The following HDAC9 variants were observed in gnomAD, a reference collection of about 807,000 sequenced individuals.
HDAC9 encodes the protein histone deacetylase 9, also known as MEF-2 interacting transcription repressor (MITR) protein.
A neutral mutation model predicts 139.4 loss-of-function variants in HDAC9; 41 were observed. The observed-to-expected ratio is 0.29, with a 90% CI of 0.23 to 0.38. The LOEUF (loss-of-function observed/expected upper bound fraction) is 0.38. Ranked by LOEUF, HDAC9 falls within the 10% of genes least tolerant of loss-of-function variation. The pLI, the probability that HDAC9 is intolerant of heterozygous loss-of-function variation, is 1.00. For missense variants in HDAC9, 1,147 were observed against 1,297.0 expected (o/e 0.88, Z 1.78); for synonymous variants, 517 against 476.2 (o/e 1.09, Z -1.12).
At chr7:18,182,749 G>C (rs1481888365) in intron 2 of HDAC9, among the ~76,000 whole-genome samples, 1 of 152,146 alleles carries the variant, frequency 6.6e-6, no homozygotes, top group East Asian at 1.9e-4. Flanking sequence ...TCCAGAGTTT[G>C]TATTGTTAAC....
intron 1 of HDAC9, among the ~76,000 whole-genome samples, chr7:18,160,859 G>C (rs1019067): frequency 0.44 from 66,336 of 151,856 alleles, 16,618 homozygotes; most frequent in African/African-American, 0.69. Flanking sequence ...CTCAAGTGAT[G>C]CACCCACCTT....
Position 18,793,541 on chromosome 7 carries a change from G to A in HDAC9, c.2322+89G>A, listed in dbSNP as rs1012932098. 33 of 878,454 alleles carry A rather than the reference G, an allele frequency of 3.8e-5. No individual in the cohort carries two copies. The Admixed American group carries it at 4.0e-4, about 11-fold the overall frequency. 54.4% of individuals were successfully genotyped at this position (878,454 alleles called of 1,614,324 possible). A position where few individuals can be genotyped will look rare whatever the true frequency, so the allele number is the denominator to read the frequency against. On this transcript the variant is annotated intron_variant, in intron 17 of 25. Coordinates refer to ENST00000686413, the MANE Select transcript of HDAC9 (RefSeq NM_178425.4). ...ATGTGGGAATTGCGGGGAGTGTGGC[G>A]TGGTAATAAAAGGAAGGGCAGAAGG...
intron 22 of HDAC9, among the ~76,000 whole-genome samples, chr7:18,905,012 C>T (rs1214477230): frequency 6.6e-6 from 1 of 152,144 alleles, no homozygotes; most frequent in African/African-American, 2.4e-5. Flanking sequence ...GATTCTACTG[C>T]TTTAGCCTCC....
chr7:18,460,759 G>T (rs1279584520), intron 1 of HDAC9, among the ~76,000 whole-genome samples: 2 of 135,276 alleles, frequency 1.5e-5, no homozygotes, highest in Admixed American at 8.3e-5. Flanking sequence ...TTGCATTCCA[G>T]CCTGGACAAC....
intron 2 of HDAC9, among the ~76,000 whole-genome samples, chr7:18,239,673 G>A (rs1366328106): frequency 6.6e-6 from 1 of 152,144 alleles, no homozygotes; most frequent in African/African-American, 2.4e-5. Context: ...AGAGAAATAC[G>A]TGATAAATTT....
chr7:18,731,713 C>T (rs973539500), intron 13 of HDAC9, among the ~76,000 whole-genome samples: 1 of 152,160 alleles, frequency 6.6e-6, no homozygotes, highest in Non-Finnish European at 1.5e-5. Flanking sequence ...ACAACCTCCG[C>T]CTCCCGGGTT....
chr7:18,851,710 TTAGTA>T (rs1797313174), intron 21 of HDAC9, among the ~76,000 whole-genome samples: 1 of 152,214 alleles, frequency 6.6e-6, no homozygotes, highest in African/African-American at 2.4e-5. Context: ...GAAATGTTAG[TTAGTA>T]TAGTGATTTA....
At chr7:18,880,957 C>T (rs1183261199) in intron 22 of HDAC9, among the ~76,000 whole-genome samples, 1 of 151,578 alleles carries the variant, frequency 6.6e-6, no homozygotes, top group Non-Finnish European at 1.5e-5. Context: ...CCACCGAGTG[C>T]CTGTTTAGCA....
chr7:18,698,092 T>C (rs998215584), intron 12 of HDAC9, among the ~76,000 whole-genome samples: 6 of 152,228 alleles, frequency 3.9e-5, no homozygotes, highest in African/African-American at 4.8e-5. Flanking sequence ...ACACTGATTA[T>C]AACTCTGGAA....
chr7:18,368,038 T>C (rs1306358085), intron 1 of HDAC9, among the ~76,000 whole-genome samples: 4 of 152,138 alleles, frequency 2.6e-5, no homozygotes, highest in South Asian at 2.1e-4. Flanking sequence ...TGTTGACTTA[T>C]GGAAGTCATT....
At chr7:18,418,454 C>T (rs575967988) in intron 1 of HDAC9, among the ~76,000 whole-genome samples, 39 of 140,284 alleles carry the variant, frequency 2.8e-4, no homozygotes, top group East Asian at 1.7e-3. Context: ...TACAGCTACA[C>T]GAACACTTAA....
intron 2 of HDAC9, among the ~76,000 whole-genome samples, chr7:18,209,401 T>C (rs1247673765): frequency 6.6e-6 from 1 of 152,222 alleles, no homozygotes; most frequent in South Asian, 2.1e-4. Context: ...ATCTTGACGC[T>C]TGAAGCCAGT....
intron 1 of HDAC9, among the ~76,000 whole-genome samples, chr7:18,345,615 G>A (rs1585279318): frequency 6.8e-6 from 1 of 147,128 alleles, no homozygotes; most frequent in Non-Finnish European, 1.5e-5. Flanking sequence ...ACAATTTTTT[G>A]CCCTTTTAGC....
At chr7:18,876,772 G>A (rs989445783) in intron 22 of HDAC9, among the ~76,000 whole-genome samples, 19 of 150,848 alleles carry the variant, frequency 1.3e-4, no homozygotes, top group African/African-American at 3.9e-4. Context: ...GGATGATCTC[G>A]GCTCACTACA....
intron 2 of HDAC9, among the ~76,000 whole-genome samples, chr7:18,256,072 T>G (rs1584872744): frequency 1.7e-5 from 1 of 57,852 alleles, no homozygotes; most frequent in Non-Finnish European, 5.6e-5. Flanking sequence ...ATCTAGGACT[T>G]TTCTTCTCTC....
At chr7:18,106,284 T>C (rs932576139) in intron 1 of HDAC9, among the ~76,000 whole-genome samples, 1 of 152,184 alleles carries the variant, frequency 6.6e-6, no homozygotes, top group Non-Finnish European at 1.5e-5. Context: ...TCCTTAGAAC[T>C]CAAGATCCTT....
At chr7:18,474,683 T>A (rs1229302978) in intron 1 of HDAC9, among the ~76,000 whole-genome samples, 1 of 152,130 alleles carries the variant, frequency 6.6e-6, no homozygotes, top group Non-Finnish European at 1.5e-5. Flanking sequence ...GGTTTCAGGG[T>A]ATTAGTGAAC....
chr7:18,617,477 C>T (rs753804484), intron 6 of HDAC9, among the ~76,000 whole-genome samples: 8 of 152,156 alleles, frequency 5.3e-5, no homozygotes, highest in Admixed American at 2.0e-4. Flanking sequence ...ATGCTCCTTG[C>T]TCTTAAAGTG....
chr7:18,792,275 A>G (rs1360597084), intron 16 of HDAC9, among the ~76,000 whole-genome samples: 2 of 151,264 alleles, frequency 1.3e-5, no homozygotes, highest in Non-Finnish European at 2.9e-5. Context: ...TTTAAAAAAA[A>G]AAAAAAAAGC....
Sources: gnomAD v4.1 joint callset for allele counts (sites outside exome capture counted in the v4.1 genomes callset) on GRCh38, gnomAD v4.1.1 for gene constraint, MANE v1.5 for transcripts, NCBI Gene and HGNC (gene_info 2026-07-23, HGNC 2026-07-21) for gene names.